Variants in TSEN2 observed in about 807,000 individuals in gnomAD.
TSEN2 encodes tRNA splicing endonuclease subunit 2.
A neutral mutation model predicts 59.2 loss-of-function variants in TSEN2; 54 were observed. That is an observed-to-expected ratio of 0.91 (90% CI 0.73 to 1.14). The LOEUF is 1.14. TSEN2 is among the 50% of genes most tolerant of loss of function. The pLI is 0.00. For synonymous variants in TSEN2, 195 were observed against 198.2 expected, an observed-to-expected ratio of 0.98 and a Z score of 0.14; for missense variants, 636 against 576.2, an observed-to-expected ratio of 1.10 and a Z score of -1.06.
chr3:12,491,827 A>G (rs1426883622), intron 2 of TSEN2, among the ~76,000 whole-genome samples: 1 of 152,222 alleles, frequency 6.6e-6, no homozygotes, highest in East Asian at 1.9e-4. Context: ...GAAAAATTGC[A>G]TGTGTACCAA....
At chr3:12,495,459 AGCTCAGACAATC>A (rs2053655803) in intron 3 of TSEN2, among the ~76,000 whole-genome samples, 1 of 152,114 alleles carries the variant, frequency 6.6e-6, no homozygotes, top group African/African-American at 2.4e-5. Context: ...TGAACTCCTG[AGCTCAGACAATC>A]CACCCGTCTC....
At chr3:12,530,231 C>G in intron 10 of TSEN2, 4 of 1,037,506 alleles carry the variant, frequency 3.9e-6, no homozygotes, top group Non-Finnish European at 4.6e-6. Flanking sequence ...TACACATATT[C>G]ACAAAGGAGT....
In TSEN2 at chr3:12,529,849, C is replaced by T. The variant is rs2057347353; in HGVS notation, c.1224C>T (p.Ser408=). The T allele has an allele frequency of 4.3e-6, 7 of 1,614,020 alleles. No individual in the cohort carries two copies. The highest frequency in any genetic ancestry group is 5.1e-6 in the Non-Finnish European group (6 of 1,180,010). ...PLSWKSLAAL[S]RVSVNVSKEL... is the part of the protein sequence containing the mutation. Reference sequence around the variant, plus strand: ...GTTGGAAGTCCCTGGCTGCCTTGAGCAGAGTTTCCGTTAATGTCTCTAAGG... The same window carrying T: ...GTTGGAAGTCCCTGGCTGCCTTGAGTAGAGTTTCCGTTAATGTCTCTAAGG... Residue 408 remains serine, a synonymous_variant, in exon 10 of 12, where the codon AGC becomes AGT. Coordinates refer to ENST00000284995, the MANE Select transcript of TSEN2 (RefSeq NM_025265.4).
At position 12,503,317 on chromosome 3, in the gene TSEN2, G is replaced by A. The variant is rs957713177; in HGVS notation, c.364G>A (p.Glu122Lys). ...GCTGATGCGTAGACAGGGGCAGGAT[G>A]AGAGTACAGTGCGCAGAATCCTCAA... Reference protein sequence around the residue: ...AELMRRQGQDESTVRRILKDY... With the variant: ...AELMRRQGQDKSTVRRILKDY... The change falls in exon 5 of 12, where the codon GAG becomes AAG. Residue 122 changes from glutamate to lysine, a missense_variant. Transcript: ENST00000284995. The A allele has an allele frequency of 6.2e-7, 1 of 1,614,224 alleles. No homozygotes were observed. Among genetic ancestry groups the A allele is most frequent in the South Asian group, 1.1e-5 (1 of 91,088 alleles).
At chr3:12,506,748 G>A (rs767843928) in intron 6 of TSEN2, 20 of 985,154 alleles carry the variant, frequency 2.0e-5, no homozygotes, top group African/African-American at 7.0e-5. Context: ...AGCTAGGACC[G>A]CTTCTTGGGC....
Position 12,529,058 on chromosome 3 carries a change from T to G in TSEN2, c.1136+134T>G, listed in dbSNP as rs1165320023. The G allele has an allele frequency of 4.7e-6, 4 of 846,884 alleles. No individual in the cohort carries two copies. The Admixed American group carries it at 7.1e-5, about 15-fold the overall frequency. 52.5% of individuals were successfully genotyped at this position (846,884 alleles called of 1,614,324 possible). On this transcript the variant is annotated intron_variant, in intron 9 of 11. Transcript: ENST00000284995. ...CCTGATACGAATAGATGCTATATGTTCATGCCTCCTTACACACTAATGTCA... is the reference window on the plus strand; with the variant it reads ...CCTGATACGAATAGATGCTATATGTGCATGCCTCCTTACACACTAATGTCA...
chr3:12,504,610 T>C (rs941067576), intron 5 of TSEN2, among the ~76,000 whole-genome samples: 6 of 151,766 alleles, frequency 4.0e-5, no homozygotes, highest in Non-Finnish European at 7.4e-5. Flanking sequence ...ACACGTAAAA[T>C]AAAATTCACC....
chr3:12,524,736 T>A (rs1044578152), intron 8 of TSEN2, among the ~76,000 whole-genome samples: 1 of 119,480 alleles, frequency 8.4e-6, no homozygotes, highest in African/African-American at 3.8e-5. Flanking sequence ...ATCTCTTTGG[T>A]CTCTTTTTTT....
intron 2 of TSEN2, 61 bp from the exon 3 acceptor site, chr3:12,492,075 A>G (rs762772271): frequency 2.1e-6 from 3 of 1,409,342 alleles, no homozygotes; most frequent in Non-Finnish European, 3.0e-6. Flanking sequence ...TGTATATTCT[A>G]CCTCAGCTAA....
intron 6 of TSEN2, chr3:12,506,617 T>C: frequency 8.5e-6 from 7 of 823,662 alleles, no homozygotes; most frequent in Non-Finnish European, 1.0e-5. Context: ...TGGCCTTCCA[T>C]AAACTGCATC....
chr3:12,500,910 T>G (rs563516734), intron 4 of TSEN2, among the ~76,000 whole-genome samples: 48 of 152,336 alleles, frequency 3.2e-4, no homozygotes, highest in African/African-American at 1.1e-3. Flanking sequence ...CCAGATCTTC[T>G]GGTCAAAGGA....
At chr3:12,539,101 G>A (rs1308951839) in intron 10 of TSEN2, 5 of 422,988 alleles carry the variant, frequency 1.2e-5, no homozygotes, top group South Asian at 8.5e-5. Context: ...TTTTTTTACT[G>A]TTGTTCACTA....
chr3:12,492,862 C>T (rs1010229200), intron 3 of TSEN2, among the ~76,000 whole-genome samples: 21 of 152,154 alleles, frequency 1.4e-4, no homozygotes, highest in Non-Finnish European at 2.9e-4. Flanking sequence ...GCTTGTGGTA[C>T]CACCCTCATG....
chr3:12,494,812 A>G (rs1180706792), intron 3 of TSEN2, among the ~76,000 whole-genome samples: 5 of 152,120 alleles, frequency 3.3e-5, no homozygotes, highest in Non-Finnish European at 7.4e-5. Context: ...TTGTAACCAT[A>G]TAAATGTATT....
intron 8 of TSEN2, among the ~76,000 whole-genome samples, chr3:12,526,899 A>C (rs1224305860): frequency 6.6e-6 from 1 of 152,224 alleles, no homozygotes; most frequent in Non-Finnish European, 1.5e-5. Context: ...TATTGGATTA[A>C]AGATGTGTGT....
At chr3:12,482,531 T>C (rs1162224957), upstream of TSEN2, among the ~76,000 whole-genome samples, 2 of 151,012 alleles carry the variant, frequency 1.3e-5, no homozygotes, top group South Asian at 2.1e-4. Context: ...AAAATTTCTT[T>C]CTTTTTTAAA....
chr3:12,508,877 T>G (rs1003659159), intron 6 of TSEN2, among the ~76,000 whole-genome samples: 6 of 152,230 alleles, frequency 3.9e-5, no homozygotes, highest in Non-Finnish European at 5.9e-5. Context: ...TTATATTTTT[T>G]AGAGACAGGG....
intron 6 of TSEN2, among the ~76,000 whole-genome samples, chr3:12,515,307 G>A (rs941353876): frequency 1.3e-5 from 2 of 152,220 alleles, no homozygotes; most frequent in Non-Finnish European, 2.9e-5. Context: ...CAGTTTGTCA[G>A]TGCGTTGTTG....
intron 3 of TSEN2, among the ~76,000 whole-genome samples, chr3:12,493,300 C>T (rs2053414154): frequency 6.6e-6 from 1 of 152,192 alleles, no homozygotes; most frequent in South Asian, 2.1e-4. Flanking sequence ...ATTAATGGGT[C>T]ATATGATAAT....
Sources: allele counts gnomAD v4.1 joint callset (sites outside exome capture counted in the v4.1 genomes callset), GRCh38; gene constraint gnomAD v4.1.1; transcripts MANE v1.5; gene names NCBI Gene and HGNC (gene_info 2026-07-23, HGNC 2026-07-21).